The following DNHD1 variants were observed in gnomAD, a reference collection of about 807,000 sequenced individuals.
The protein encoded by DNHD1 is dynein heavy chain domain-containing protein 1.
A neutral mutation model predicts 458.1 loss-of-function variants in DNHD1; 383 were observed. The ratio of observed to expected loss-of-function variants is 0.84; its 90% confidence interval spans 0.77 to 0.91. DNHD1 has a LOEUF of 0.91. DNHD1 is among the 40% of genes least tolerant of loss of function. DNHD1 has a pLI of 0.00. For missense variants in DNHD1, 5,336 were observed against 5,866.1 expected (o/e 0.91, Z 2.95); for synonymous variants, 2,203 against 2,376.9 (o/e 0.93, Z 2.13).
chr11:6,529,197 A>G (rs1852776904), intron 12 of DNHD1, 76 bp downstream of exon 12: 4 of 1,501,670 alleles, frequency 2.7e-6, no homozygotes, highest in African/African-American at 2.8e-5. Context: ...TGGTCCTGGA[A>G]TGTCCTCCGG....
chr11:6,546,014 G>C lies in DNHD1; in HGVS notation c.5075G>C (p.Gly1692Ala), dbSNP rs1853207672. The C allele has an allele frequency of 3.2e-6, 5 of 1,551,706 alleles. No individual in the cohort carries two copies. Among genetic ancestry groups the C allele is most frequent in the Non-Finnish European group, 3.5e-6 (4 of 1,146,948 alleles). ...ACCGTACTGGGTCCTAATGGTGTGGGCAAGAGAGCTATAGTGAACAGCCTG... is the reference window on the plus strand; with the variant it reads ...ACCGTACTGGGTCCTAATGGTGTGGCCAAGAGAGCTATAGTGAACAGCCTG... The part of the protein sequence containing the change: ...CGTVLGPNGV[G>A]KRAIVNSLAQ... The change falls in exon 21 of 43, where the codon GGC (glycine) becomes GCC (alanine). Residue 1692 changes from glycine to alanine, a missense_variant. This residue lies in a region of DNHD1 where 3,932 missense variants were observed against 4,365.6 expected (regional missense o/e 0.90). Coordinates refer to ENST00000254579, the MANE Select transcript of DNHD1 (RefSeq NM_144666.3).
chr11:6,558,475 T>C lies in DNHD1; in HGVS notation c.9003-10T>C. The C allele has an allele frequency of 6.4e-7, 1 of 1,551,538 alleles. No homozygotes were observed. The highest frequency in any genetic ancestry group is 8.7e-7 in the Non-Finnish European group (1 of 1,146,982). On this transcript the variant is annotated splice_polypyrimidine_tract_variant and intron_variant, in intron 25 of 42. Transcript: ENST00000254579. ...AAAGGGGAGGACATTAGCTGAGCCC[T>C]GGCCCACAGGTTCCACCAGCAAGTG...
In DNHD1 at chr11:6,564,420, C is replaced by T. The variant is rs767337781; in HGVS notation, c.10372C>T (p.Arg3458Trp). 23 of 1,551,570 alleles carry T rather than the reference C, an allele frequency of 1.5e-5. No homozygotes were observed. The highest frequency in any genetic ancestry group is 9.8e-5 in the Admixed American group (5 of 50,986). ...CTACCTGGGTCCCTTCCCACCATTG[C>T]GGCGCCAAGAGCTACTGGACGAGTG... The part of the protein sequence containing the change: ...IIYLGPFPPL[R>W]RQELLDEWLA... Residue 3458 changes from arginine to tryptophan, a missense_variant, in exon 32 of 43, where the codon CGG becomes TGG. Arg to Trp is a moderately radical substitution (Grantham distance 101, BLOSUM62 -3). Coordinates refer to ENST00000254579, the MANE Select transcript of DNHD1 (RefSeq NM_144666.3).
chr11:6,537,686 A>C (rs2134418228), intron 14 of DNHD1, among the ~76,000 whole-genome samples: 1 of 152,322 alleles, frequency 6.6e-6, no homozygotes. Context: ...TAATCCCAGC[A>C]CTTTGGGAGG....
At position 6,528,604 on chromosome 11, in the gene DNHD1, C is replaced by G; in HGVS notation, c.1920C>G (p.Phe640Leu). Reference protein sequence around the residue: ...QGQPSDAVSIFCGPNVGLVWP... With the variant: ...QGQPSDAVSILCGPNVGLVWP... ...AGCCCAGCGATGCTGTGAGCATCTT[C>G]TGTGGCCCGAATGTGGGATTGGTGT... is the stretch of plus-strand genomic sequence containing the variant. The change falls in exon 11 of 43, where the codon TTC (phenylalanine) becomes TTG (leucine). Residue 640 changes from phenylalanine (F) to leucine (L), a missense_variant. By Grantham distance (22) the Phe-to-Leu change is conservative (BLOSUM62 0). Transcript: ENST00000254579. 6.4e-7 allele frequency: 1 copy of G among 1,551,746 alleles called. No individual in the cohort carries two copies. The highest frequency in any genetic ancestry group is 1.2e-5 in the South Asian group (1 of 84,062).
At chr11:6,512,211 CTTTTTTTTTTTT>C (rs11287049) in intron 7 of DNHD1, among the ~76,000 whole-genome samples, 8 of 91,624 alleles carry the variant, frequency 8.7e-5, no homozygotes, top group East Asian at 3.3e-4. Context: ...CTTTTTCTTT[CTTTTTTTTTTTT>C]TTTTTTTTTT....
intron 4 of DNHD1, among the ~76,000 whole-genome samples, chr11:6,506,561 A>AT (rs1852231701): frequency 1.3e-5 from 2 of 152,206 alleles, no homozygotes; most frequent in African/African-American, 2.4e-5. Context: ...CATGTAACAG[A>AT]TTTTTTTAAT....
rs1233175541 is a variant in DNHD1 at position 6,544,176 on chromosome 11, C to G, written c.3684C>G (p.Ile1228Met). 4 of 1,551,606 alleles carry G rather than the reference C, an allele frequency of 2.6e-6. No individual in the cohort carries two copies. The highest frequency in any genetic ancestry group is 4.9e-5 in the East Asian group (2 of 40,896). The change falls in exon 19 of 43, where the codon ATC becomes ATG. Residue 1228 changes from isoleucine to methionine, a missense_variant. Transcript: ENST00000254579. ...IQESLQVLSK[I>M]LAIEKSGDLN... Reference sequence around the variant, plus strand: ...AAAGTCTTCAGGTGTTGTCCAAGATCTTGGCCATCGAAAAGTCAGGAGATT... The same window carrying G: ...AAAGTCTTCAGGTGTTGTCCAAGATGTTGGCCATCGAAAAGTCAGGAGATT...
rs375688267 is a variant in DNHD1 at position 6,557,326 on chromosome 11, A to G, written c.8031A>G (p.Gln2677=). 13 of 1,551,500 alleles carry G rather than the reference A, an allele frequency of 8.4e-6. No homozygotes were observed. In the African/African-American group the frequency reaches 1.8e-4, roughly 21 times the overall value. Residue 2677 remains glutamine, a synonymous_variant, in exon 25 of 43, where the codon CAA becomes CAG. Transcript: ENST00000254579. Reference sequence around the variant, plus strand: ...CCAAGCTGCTCCTAGTAGTAGCTCAAAGTGTCTTCTGCTGTGGGCCAGGGC... The same window carrying G: ...CCAAGCTGCTCCTAGTAGTAGCTCAGAGTGTCTTCTGCTGTGGGCCAGGGC... ...YCAKLLLVVA[Q]SVFCCGPGPQ... is the part of the protein sequence containing the mutation.
rs1228651280 is a variant in DNHD1, at chr11:6,540,102, G to A, written c.3628+19G>A. The A allele has an allele frequency of 1.3e-6, 2 of 1,547,940 alleles. No individual in the cohort carries two copies. The highest frequency in any genetic ancestry group is 1.7e-6 in the Non-Finnish European group (2 of 1,143,994). On this transcript the variant is annotated intron_variant, in intron 18 of 42. Transcript: ENST00000254579. Reference sequence around the variant, plus strand: ...CTCTCAGGTGAGACCCAGACCTTGTGACCTAGTGAAAGCCCCCTGCTGGGG... The same window carrying A: ...CTCTCAGGTGAGACCCAGACCTTGTAACCTAGTGAAAGCCCCCTGCTGGGG...
At position 6,566,337 on chromosome 11, in the gene DNHD1, A is replaced by G; in HGVS notation, c.11150A>G (p.Gln3717Arg). Residue 3717 changes from glutamine (Q) to arginine (R), a missense_variant, in exon 34 of 43, where the codon CAG (glutamine) becomes CGG (arginine). By Grantham distance (43) the Gln-to-Arg change is conservative. This residue lies in a region of DNHD1 where 695 missense variants were observed against 804.2 expected (regional missense o/e 0.86). Coordinates refer to ENST00000254579, the MANE Select transcript of DNHD1 (RefSeq NM_144666.3). ...GAGCAGCTGAGTCCACCCCAGGTGC[A>G]GCCTGGCTTCTGTCTGTATCTCAGC... ...QREQLSPPQV[Q>R]PGFCLYLSTT... The G allele has an allele frequency of 1.3e-6, 2 of 1,554,570 alleles. No individual in the cohort carries two copies. The highest frequency in any genetic ancestry group is 1.7e-6 in the Non-Finnish European group (2 of 1,148,694).
At position 6,571,834 on chromosome 11, in the gene DNHD1, G is replaced by T. The variant is rs750814189; in HGVS notation, c.14110G>T (p.Val4704Leu). The stretch of plus-strand genomic sequence containing the variant: ...CCTGCCAGCCCCAGCCGACCTGACT[G>T]TGTACTCGTGTCCTGTGTACATGGG... Reference protein sequence around the residue: ...SDLPAPADLTVYSCPVYMGGP... With the variant: ...SDLPAPADLTLYSCPVYMGGP... Residue 4704 changes from valine (V) to leucine (L), a missense_variant, in exon 43 of 43, where the codon GTG becomes TTG. By Grantham distance (32) the Val-to-Leu change is conservative (BLOSUM62 1). Around this residue, in one of 4 missense-constraint regions of DNHD1, gnomAD observed 698 missense variants for 664.9 expected, o/e 1.05. Coordinates refer to ENST00000254579, the MANE Select transcript of DNHD1 (RefSeq NM_144666.3). This position sits in a 1 kb window ranked among gnomAD's most constrained non-coding sequence, Gnocchi z 5.0. 1.2e-6 allele frequency: 2 copies of T among 1,613,908 alleles called. No homozygotes were observed. Among genetic ancestry groups the T allele is most frequent in the Admixed American group, 3.3e-5 (2 of 60,020 alleles).
rs543922638 is a variant in DNHD1, at chr11:6,559,867, T to C, written c.9519+584T>C. Among the ~76,000 whole-genome samples the C allele has an allele frequency of 5.2e-4, 79 of 152,344 alleles. 1 individual carries two copies. The highest frequency in any genetic ancestry group is 3.4e-3 in the Middle Eastern group (1 of 294). On this transcript the variant is annotated intron_variant, in intron 28 of 42. Transcript: ENST00000254579. ...GCATTTTCCAGTGACCAACTTTTCC[T>C]TTCCTCTCTCGTCTCTCTAACACCT...
chr11:6,544,935 A>G lies in DNHD1; in HGVS notation c.3996A>G (p.Gln1332=). ...GCCAGCAGCTGCAACAACTGCTGCA[A>G]GCAGGATCGGTGGAGCTGGAGGGCA... ...FQGQQLQQLL[Q]AGSVELEGII... The change falls in exon 21 of 43, where the codon CAA becomes CAG. Residue 1332 remains glutamine, a synonymous_variant. Coordinates refer to ENST00000254579, the MANE Select transcript of DNHD1 (RefSeq NM_144666.3). 6.4e-7 allele frequency: 1 copy of G among 1,551,726 alleles called. No individual in the cohort carries two copies. Among genetic ancestry groups the G allele is most frequent in the Non-Finnish European group, 8.7e-7 (1 of 1,146,996 alleles).
chr11:6,554,543 C>A (rs1403581104), intron 24 of DNHD1, among the ~76,000 whole-genome samples: 1 of 152,082 alleles, frequency 6.6e-6, no homozygotes, highest in Non-Finnish European at 1.5e-5. Flanking sequence ...ATGTATCTGA[C>A]AAAGGACTTG....
chr11:6,515,073 C>T (rs1038580669), intron 7 of DNHD1, among the ~76,000 whole-genome samples: 4 of 152,332 alleles, frequency 2.6e-5, no homozygotes, highest in Non-Finnish European at 4.4e-5. Context: ...GTTAAGCCCT[C>T]TTAGCTCATT....
At chr11:6,527,698 T>C (rs895165994) in intron 10 of DNHD1, among the ~76,000 whole-genome samples, 1 of 152,204 alleles carries the variant, frequency 6.6e-6, no homozygotes, top group Non-Finnish European at 1.5e-5. Flanking sequence ...CTGGATGAGA[T>C]TTCCTAGAGA....
chr11:6,557,837 C>G lies in DNHD1; in HGVS notation c.8542C>G (p.Gln2848Glu). 1 of 1,551,194 alleles carries G rather than the reference C, an allele frequency of 6.4e-7. No homozygotes were observed. Residue 2848 changes from glutamine to glutamate, a missense_variant, in exon 25 of 43, where the codon CAG becomes GAG. Gln to Glu is a conservative substitution (Grantham distance 29). Around this residue, in one of 4 missense-constraint regions of DNHD1, gnomAD observed 3,932 missense variants for 4,365.6 expected, o/e 0.90. Transcript: ENST00000254579. ...LERQWEKLEEQLATSAAQLKL... is the reference protein window; with the variant it reads ...LERQWEKLEEELATSAAQLKL... ...ACGACAGTGGGAGAAGCTAGAGGAG[C>G]AGTTGGCCACCTCAGCTGCTCAACT...
At position 6,503,041 on chromosome 11, in the gene DNHD1, C is replaced by A. The variant is rs1852169462; in HGVS notation, c.920+115C>A. 3.4e-6 allele frequency: 4 copies of A among 1,159,586 alleles called. No individual in the cohort carries two copies. The East Asian group carries it at 8.3e-5, about 24-fold the overall frequency. The allele number at this position is 1,159,586 out of a possible 1,614,324, so 71.8% of individuals were successfully genotyped here. A position where few individuals can be genotyped will look rare whatever the true frequency, so the allele number is the denominator to read the frequency against. On this transcript the variant is annotated intron_variant, in intron 4 of 42. Coordinates refer to ENST00000254579, the MANE Select transcript of DNHD1 (RefSeq NM_144666.3). Reference sequence around the variant, plus strand: ...CTTCTCCCTGTCCTTTCTCCACATACTCCTCCTCTGACTCTAGTGTCCCTC... The same window carrying A: ...CTTCTCCCTGTCCTTTCTCCACATAATCCTCCTCTGACTCTAGTGTCCCTC...
Sources: gnomAD v4.1 joint callset for allele counts (sites outside exome capture counted in the v4.1 genomes callset) on GRCh38, gnomAD v4.1.1 for gene constraint, gnomAD v4.1.1 regional missense constraint, Gnocchi (gnomAD v3.1) non-coding constraint, MANE v1.5 for transcripts, NCBI Gene and HGNC (gene_info 2026-07-23, HGNC 2026-07-21) for gene names.